Variants in KCNH7 observed in about 807,000 individuals in gnomAD.
KCNH7 encodes the protein voltage-gated inwardly rectifying potassium channel KCNH7.
KCNH7 carries 49 observed loss-of-function variants against 120.8 expected under a neutral mutation model. The observed-to-expected ratio is 0.41, with a 90% confidence interval of 0.32 to 0.51. The LOEUF (loss-of-function observed/expected upper bound fraction) is 0.51, where lower values mean the gene tolerates loss of function less well. Among genes scored for constraint, KCNH7 ranks in the 20% least tolerant of loss-of-function variants. The pLI, the probability that KCNH7 is intolerant of heterozygous loss-of-function variation, is 0.38. For synonymous variants in KCNH7, 547 were observed against 516.1 expected (o/e 1.06, Z -0.81); for missense variants, 1,097 against 1,446.6 (o/e 0.76, Z 3.92).
At chr2:162,395,881 G>GT (rs762787365) in intron 11 of KCNH7, among the ~76,000 whole-genome samples, 13 of 151,558 alleles carry the variant, frequency 8.6e-5, no homozygotes, top group East Asian at 5.9e-4. Context: ...TGACTTTAGG[G>GT]TTTTTTTCCC....
intron 14 of KCNH7, among the ~76,000 whole-genome samples, chr2:162,375,391 C>T (rs1346991253): frequency 1.3e-5 from 2 of 152,144 alleles, no homozygotes; most frequent in Admixed American, 1.3e-4. Flanking sequence ...ATCTCTTTAT[C>T]ATGGATTCTA....
intron 6 of KCNH7, among the ~76,000 whole-genome samples, chr2:162,492,587 C>T (rs931860796): frequency 7.9e-5 from 12 of 152,070 alleles, no homozygotes; most frequent in African/African-American, 2.9e-4. Flanking sequence ...ATAAAGATTC[C>T]AGATTTTGTA....
At chr2:162,831,323 T>C (rs1685469077) in intron 2 of KCNH7, among the ~76,000 whole-genome samples, 1 of 152,134 alleles carries the variant, frequency 6.6e-6, no homozygotes, top group Admixed American at 6.5e-5. Context: ...TCCCAGTATG[T>C]AGAGGATGGA....
intron 2 of KCNH7, among the ~76,000 whole-genome samples, chr2:162,569,470 C>CA (rs1293970106): frequency 6.9e-6 from 1 of 145,814 alleles, no homozygotes. Flanking sequence ...TTGATCCTTT[C>CA]AAAAAACCAG....
intron 2 of KCNH7, among the ~76,000 whole-genome samples, chr2:162,800,179 G>A (rs918219228): frequency 2.6e-5 from 4 of 151,552 alleles, no homozygotes; most frequent in African/African-American, 7.3e-5. Context: ...ACTTAAACCC[G>A]GATAGAAAAA....
intron 9 of KCNH7, among the ~76,000 whole-genome samples, chr2:162,416,442 A>T (rs1028314351): frequency 2.0e-5 from 3 of 152,124 alleles, no homozygotes; most frequent in African/African-American, 7.2e-5. Context: ...CTCTGGGCTA[A>T]ATCCCTATCT....
intron 2 of KCNH7, among the ~76,000 whole-genome samples, chr2:162,821,291 G>A (rs754029130): frequency 6.6e-6 from 1 of 152,156 alleles, no homozygotes; most frequent in Admixed American, 6.5e-5. Context: ...TTCACAAAAC[G>A]GTTAAGGTTA....
At chr2:162,766,184 TTG>T (rs1053345854) in intron 2 of KCNH7, among the ~76,000 whole-genome samples, 13 of 151,898 alleles carry the variant, frequency 8.6e-5, no homozygotes, top group Non-Finnish European at 1.6e-4. Context: ...TGTGTGTGTT[TTG>T]TGTGTGTGTG....
At chr2:162,662,322 C>T (rs1342704969) in intron 2 of KCNH7, among the ~76,000 whole-genome samples, 1 of 152,048 alleles carries the variant, frequency 6.6e-6, no homozygotes, top group Non-Finnish European at 1.5e-5. Context: ...TTCTGATTTT[C>T]CATGTAGTAT....
chr2:162,807,272 A>AAC (rs370127391), intron 2 of KCNH7, among the ~76,000 whole-genome samples: 45,038 of 118,982 alleles, frequency 0.38, 11,693 homozygotes, highest in South Asian at 0.54. Flanking sequence ...AAAAAAAAAA[A>AAC]AAAAAAAAAA....
chr2:162,815,761 G>T (rs1684896769), intron 2 of KCNH7, among the ~76,000 whole-genome samples: 1 of 151,960 alleles, frequency 6.6e-6, no homozygotes, highest in South Asian at 2.1e-4. Context: ...CCACCTCTTG[G>T]GCACAGCCAT....
At chr2:162,495,136 C>T (rs1410888247) in intron 6 of KCNH7, among the ~76,000 whole-genome samples, 1 of 152,110 alleles carries the variant, frequency 6.6e-6, no homozygotes, top group Non-Finnish European at 1.5e-5. Context: ...AGTAAGAATC[C>T]ATTATCTTTT....
At chr2:162,439,004 C>A (rs758706246) in intron 7 of KCNH7, among the ~76,000 whole-genome samples, 17 of 152,028 alleles carry the variant, frequency 1.1e-4, no homozygotes, top group Non-Finnish European at 2.4e-4. Context: ...ATGTTACCTG[C>A]AAGTGAAACA....
At chr2:162,529,996 G>A (rs973972154) in intron 3 of KCNH7, among the ~76,000 whole-genome samples, 2 of 151,760 alleles carry the variant, frequency 1.3e-5, no homozygotes, top group Non-Finnish European at 2.9e-5. Flanking sequence ...CATTTCAGGG[G>A]ACATAAGTCA....
chr2:162,594,016 T>C (rs79866569), intron 2 of KCNH7, among the ~76,000 whole-genome samples: 6,713 of 152,038 alleles, frequency 0.044, 306 homozygotes, highest in East Asian at 0.11. Flanking sequence ...GGGAGTGCTA[T>C]CTTCCATGAC....
chr2:162,579,921 C>A (rs899093513), intron 2 of KCNH7, among the ~76,000 whole-genome samples: 1 of 151,880 alleles, frequency 6.6e-6, no homozygotes, highest in African/African-American at 2.4e-5. Context: ...TTTTAAATGA[C>A]CTTTAATGGA....
At chr2:162,671,600 C>A (rs1685360915) in intron 2 of KCNH7, among the ~76,000 whole-genome samples, 1 of 152,108 alleles carries the variant, frequency 6.6e-6, no homozygotes, top group Non-Finnish European at 1.5e-5. Context: ...TACTACCTAC[C>A]TATTTGGTAC....
chr2:162,512,600 C>T (rs375294241), intron 5 of KCNH7, 54 bp downstream of exon 5: 202 of 1,545,858 alleles, frequency 1.3e-4, no homozygotes, highest in Non-Finnish European at 1.7e-4. Context: ...GTTAACATGC[C>T]GAGTAAAGGG....
chr2:162,607,374 G>T (rs1446302029), intron 2 of KCNH7, among the ~76,000 whole-genome samples: 1 of 151,710 alleles, frequency 6.6e-6, no homozygotes, highest in Admixed American at 6.6e-5. Flanking sequence ...TGGACGACAG[G>T]GTGAGACTCA....
Sources: allele counts gnomAD v4.1 joint callset (sites outside exome capture counted in the v4.1 genomes callset), GRCh38; gene constraint gnomAD v4.1.1; transcripts MANE v1.5; gene names NCBI Gene and HGNC (gene_info 2026-07-23, HGNC 2026-07-21).